The following LMBRD2 variants were observed in gnomAD, a reference collection of about 807,000 sequenced individuals.
LMBRD2 encodes G protein-coupled receptor-associated protein LMBRD2.
Under a neutral mutation model 94.4 loss-of-function variants are expected in LMBRD2, and 55 were observed. The observed-to-expected ratio is 0.58, with a 90% CI of 0.47 to 0.73. The LOEUF is 0.73. Among genes scored for constraint, LMBRD2 ranks in the 30% least tolerant of loss-of-function variants. The pLI, the probability that LMBRD2 is intolerant of heterozygous loss-of-function variation, is 0.00. For synonymous variants in LMBRD2, 246 were observed against 272.4 expected, an observed-to-expected ratio of 0.90 and a Z score of 0.95; for missense variants, 640 against 831.9, an observed-to-expected ratio of 0.77 and a Z score of 2.84.
Position 36,147,355 on chromosome 5 carries a change from GGATGATAAT to G in LMBRD2, c.-57-3958_-57-3950del, listed in dbSNP as rs1159153162. Among the ~76,000 whole-genome samples the G allele has an allele frequency of 8.5e-5, 13 of 152,160 alleles. No individual in the cohort carries two copies. The South Asian group carries it at 2.3e-3, about 27-fold the overall frequency. ...GTTTAGGGAAGAAGGAGAAGAAAGGGGATGATAATGATGATAATGATGATGATGGTGATA... is the reference window on the plus strand; with the variant it reads ...GTTTAGGGAAGAAGGAGAAGAAAGGGGATGATAATGATGATGATGGTGATA... On this transcript the variant is annotated intron_variant, in intron 1 of 17. Coordinates refer to ENST00000296603, the MANE Select transcript of LMBRD2 (RefSeq NM_001007527.2).
intron 6 of LMBRD2, among the ~76,000 whole-genome samples, chr5:36,131,507 T>C (rs532717399): frequency 1.3e-5 from 2 of 152,114 alleles, no homozygotes; most frequent in Non-Finnish European, 2.9e-5. Context: ...AAGAGAAAGA[T>C]ATAAAGGGCA....
At chr5:36,118,813 T>G (rs2455316) in intron 9 of LMBRD2, among the ~76,000 whole-genome samples, 77,646 of 151,440 alleles carry the variant, frequency 0.51, 20,551 homozygotes, top group African/African-American at 0.65. Flanking sequence ...ACCACTCCCA[T>G]CTAATTTTCT....
rs1581037387 is a variant in LMBRD2, at chr5:36,102,942, T to C, written c.*1104A>G. 1 of 151,964 alleles carries C rather than the reference T, an allele frequency of 6.6e-6. No homozygotes were observed. The highest frequency in any genetic ancestry group is 2.1e-4 in the South Asian group (1 of 4,830). 9.4% of individuals were successfully genotyped at this position (151,964 alleles called of 1,614,324 possible). On this transcript the variant is annotated 3_prime_UTR_variant, in exon 18 of 18. Transcript: ENST00000296603. Reference sequence around the variant, plus strand: ...TGCTGCAATCAAACATGTTCACTTTTCAATAAAACACTAGTGCTTTAAAAT... The same window carrying C: ...TGCTGCAATCAAACATGTTCACTTTCCAATAAAACACTAGTGCTTTAAAAT...
intron 7 of LMBRD2, 75 bp from the exon 8 acceptor site, chr5:36,123,036 T>G: frequency 7.5e-7 from 1 of 1,333,076 alleles, no homozygotes; most frequent in Non-Finnish European, 9.8e-7. Flanking sequence ...TTAAAAATCT[T>G]TCATTCTTGA....
At chr5:36,106,637 G>A (rs1743479131) in intron 16 of LMBRD2, among the ~76,000 whole-genome samples, 1 of 150,942 alleles carries the variant, frequency 6.6e-6, no homozygotes, top group Non-Finnish European at 1.5e-5. Flanking sequence ...AGCCTCCTGA[G>A]TAGCTGGGAT....
chr5:36,120,047 ATC>A (rs1201144899), intron 9 of LMBRD2, among the ~76,000 whole-genome samples: 1 of 134,238 alleles, frequency 7.4e-6, no homozygotes, highest in East Asian at 2.2e-4. Context: ...CTTTTCTTTC[ATC>A]TCTCTCTCTC....
rs1290172422 is a variant in LMBRD2 at position 36,099,245 on chromosome 5, T to C, written c.*4801A>G. The C allele has an allele frequency of 6.6e-6, 1 of 152,092 alleles. No homozygotes were observed. The highest frequency in any genetic ancestry group is 1.9e-4 in the East Asian group (1 of 5,200). The allele number at this position is 152,092 out of a possible 1,614,324, so 9.4% of individuals were successfully genotyped here. ...TATTTAAAAGCAATACTACAATTAG[T>C]TACTTACAAAAACATTTATAAAAAT... On this transcript the variant is annotated 3_prime_UTR_variant, in exon 18 of 18. Coordinates refer to ENST00000296603, the MANE Select transcript of LMBRD2 (RefSeq NM_001007527.2).
intron 6 of LMBRD2, among the ~76,000 whole-genome samples, chr5:36,134,716 A>T (rs997213595): frequency 1.3e-5 from 2 of 152,102 alleles, no homozygotes; most frequent in African/African-American, 4.8e-5. Flanking sequence ...CCCTGCAGAT[A>T]CCTTAATCTT....
chr5:36,101,172 G>C lies in LMBRD2; in HGVS notation c.*2874C>G, dbSNP rs1561508363. 1 of 151,908 alleles carries C rather than the reference G, an allele frequency of 6.6e-6. No individual in the cohort carries two copies. Among genetic ancestry groups the C allele is most frequent in the Non-Finnish European group, 1.5e-5 (1 of 67,870 alleles). The allele number at this position is 151,908 out of a possible 1,614,324, so 9.4% of individuals were successfully genotyped here. On this transcript the variant is annotated 3_prime_UTR_variant, in exon 18 of 18. Coordinates refer to ENST00000296603, the MANE Select transcript of LMBRD2 (RefSeq NM_001007527.2). Reference sequence around the variant, plus strand: ...AAAAGCCCTTGTATTCATTTGGTAAGAGAGCAAATTTTAATAATTAAACTT... The same window carrying C: ...AAAAGCCCTTGTATTCATTTGGTAACAGAGCAAATTTTAATAATTAAACTT...
intron 5 of LMBRD2, 138 bp downstream of exon 5, chr5:36,137,136 T>G: frequency 5.4e-6 from 3 of 557,376 alleles, no homozygotes; most frequent in Non-Finnish European, 9.0e-6. Flanking sequence ...TCACATATTC[T>G]TTTGGGGAAA....
intron 6 of LMBRD2, among the ~76,000 whole-genome samples, chr5:36,130,892 G>A (rs961081346): frequency 2.6e-5 from 4 of 152,142 alleles, no homozygotes; most frequent in Admixed American, 2.6e-4. Context: ...TGGCTTCACT[G>A]CTGAATTTTA....
rs1358449572 is a variant in LMBRD2 at position 36,111,181 on chromosome 5, T to C, written c.1718A>G (p.Asn573Ser). 1.2e-6 allele frequency: 2 copies of C among 1,608,122 alleles called. No homozygotes were observed. Among genetic ancestry groups the C allele is most frequent in the Non-Finnish European group, 1.7e-6 (2 of 1,175,926 alleles). ...GDDDMTSDLV[N>S]EGKELIRKEK... ...TTTTCTGATTAATTCTTTTCCTTCA[T>C]TAACTAAGTCTGATGTCATATCATC... The change falls in exon 14 of 18, where the codon AAT becomes AGT. Residue 573 changes from asparagine (N) to serine (S), a missense_variant. By Grantham distance (46) the Asn-to-Ser change is conservative (BLOSUM62 1). This residue lies in a region of LMBRD2 where 183 missense variants were observed against 189.1 expected (regional missense o/e 0.97). Coordinates refer to ENST00000296603, the MANE Select transcript of LMBRD2 (RefSeq NM_001007527.2).
At chr5:36,134,032 C>T (rs1283905745) in intron 6 of LMBRD2, among the ~76,000 whole-genome samples, 3 of 151,944 alleles carry the variant, frequency 2.0e-5, no homozygotes. Context: ...TTTCTTTTAT[C>T]AAATATAAGT....
chr5:36,141,231 A>G, intron 3 of LMBRD2, 29 bp from the exon 4 acceptor site: 1 of 1,263,814 alleles, frequency 7.9e-7, no homozygotes, highest in Middle Eastern at 1.9e-4. Context: ...AAGCCAACTA[A>G]TCATAAATGA....
chr5:36,113,829 G>A (rs764958614), intron 13 of LMBRD2, among the ~76,000 whole-genome samples: 10 of 152,136 alleles, frequency 6.6e-5, no homozygotes, highest in Non-Finnish European at 1.3e-4. Context: ...GAGAAGCCAA[G>A]TACACCTATC....
intron 4 of LMBRD2, among the ~76,000 whole-genome samples, chr5:36,140,551 A>G (rs774488866): frequency 1.3e-5 from 2 of 152,204 alleles, no homozygotes; most frequent in African/African-American, 2.4e-5. Context: ...AGGGGAAAGA[A>G]AAAAAGATGG....
At chr5:36,139,487 A>T (rs1744351752) in intron 4 of LMBRD2, among the ~76,000 whole-genome samples, 1 of 152,218 alleles carries the variant, frequency 6.6e-6, no homozygotes, top group Non-Finnish European at 1.5e-5. Context: ...CAAGCCAGGG[A>T]CAGCCTGAAG....
intron 1 of LMBRD2, among the ~76,000 whole-genome samples, chr5:36,145,118 CTA>C (rs1744506697): frequency 6.6e-6 from 1 of 152,158 alleles, no homozygotes; most frequent in African/African-American, 2.4e-5. Flanking sequence ...TTATTCCATA[CTA>C]TATTCCAGTT....
At chr5:36,143,147 A>C in intron 2 of LMBRD2, 29 bp downstream of exon 2, 1 of 1,495,810 alleles carries the variant, frequency 6.7e-7, no homozygotes. Flanking sequence ...TTTGTCTTTT[A>C]AATTGTGAAA....
Sources: allele counts gnomAD v4.1 joint callset (sites outside exome capture counted in the v4.1 genomes callset), GRCh38; gene constraint gnomAD v4.1.1; regional missense constraint gnomAD v4.1.1; transcripts MANE v1.5; gene names NCBI Gene and HGNC (gene_info 2026-07-23, HGNC 2026-07-21).